INTS6: variants seen among roughly 807,000 people sequenced by gnomAD.
INTS6 encodes DEAD box protein.
INTS6 carries 16 observed loss-of-function variants against 104.9 expected under a neutral mutation model. That is an observed-to-expected ratio of 0.15 (90% CI 0.10 to 0.23). The LOEUF is 0.23. INTS6 is among the 10% of genes least tolerant of loss of function. The pLI is 1.00. For synonymous variants in INTS6, 324 were observed against 358.7 expected (o/e 0.90, Z 1.09); for missense variants, 584 against 1,062.8 (o/e 0.55, Z 6.26).
Position 51,378,354 on chromosome 13 carries a change from G to A in INTS6, c.1487C>T (p.Ala496Val). The A allele has an allele frequency of 6.2e-7, 1 of 1,613,224 alleles. No individual in the cohort carries two copies. The highest frequency in any genetic ancestry group is 8.5e-7 in the Non-Finnish European group (1 of 1,179,324). ...GAGTTGTTGAAAATCTTTCCTATAT[G>A]CCATTGATAAACCATGTGATCGGCT... ...VRSRSHGLSMAYRKDFQQLLQ... is the reference protein window; with the variant it reads ...VRSRSHGLSMVYRKDFQQLLQ... Residue 496 changes from alanine to valine, a missense_variant, in exon 12 of 18, where the codon GCA becomes GTA. Transcript: ENST00000311234.
chr13:51,400,883 TC>T (rs1956425129), intron 4 of INTS6, among the ~76,000 whole-genome samples: 1 of 152,142 alleles, frequency 6.6e-6, no homozygotes, highest in Non-Finnish European at 1.5e-5. Flanking sequence ...ATGTTCTGTT[TC>T]ACTTATTAAA....
At chr13:51,449,576 T>C (rs1298016458) in intron 3 of INTS6, 5 of 985,130 alleles carry the variant, frequency 5.1e-6, no homozygotes, top group African/African-American at 1.7e-5. Context: ...AGGAAACTAA[T>C]AGTTCTGCCA....
chr13:51,445,939 A>T (rs935596354), intron 3 of INTS6: 1 of 152,248 alleles, frequency 6.6e-6, no homozygotes, highest in Non-Finnish European at 1.5e-5. Context: ...TTCAAAATAG[A>T]TTAAAGATCT....
intron 12 of INTS6, among the ~76,000 whole-genome samples, chr13:51,377,218 T>A (rs1409923067): frequency 6.6e-6 from 1 of 152,170 alleles, no homozygotes; most frequent in Non-Finnish European, 1.5e-5. Flanking sequence ...TTTGCCCATG[T>A]TTGTCCTTTT....
downstream of INTS6, among the ~76,000 whole-genome samples, chr13:51,353,861 A>G (rs1356190515): frequency 2.6e-5 from 4 of 152,156 alleles, no homozygotes; most frequent in African/African-American, 9.7e-5. Flanking sequence ...AGACCATCTA[A>G]TTTCCATTTT....
At chr13:51,374,546 G>T in intron 14 of INTS6, 107 bp from the exon 15 acceptor site, 1 of 1,506,450 alleles carries the variant, frequency 6.6e-7, no homozygotes. Flanking sequence ...ATATTTATTA[G>T]ATACTCTACC....
intron 4 of INTS6, among the ~76,000 whole-genome samples, chr13:51,399,068 T>A (rs1416534995): frequency 6.6e-6 from 1 of 152,234 alleles, no homozygotes; most frequent in African/African-American, 2.4e-5. Flanking sequence ...TTTGCCTGAT[T>A]TTGAACTTTA....
rs373292354 is a variant in INTS6, at chr13:51,451,524, G to A, written c.190-350C>T. On this transcript the variant is annotated intron_variant, in intron 2 of 17. Coordinates refer to ENST00000311234, the MANE Select transcript of INTS6 (RefSeq NM_012141.3). ...GCAGCTGTCCCACCGGCCCTCTTAG[G>A]ACGAATCTGACAAGACCAATCCTGG... The A allele has an allele frequency of 9.4e-5, 15 of 160,336 alleles. No individual in the cohort carries two copies. The South Asian group carries it at 1.2e-3, about 13-fold the overall frequency. 9.9% of individuals were successfully genotyped at this position (160,336 alleles called of 1,614,324 possible).
At chr13:51,398,747 C>G (rs1443711305) in intron 4 of INTS6, among the ~76,000 whole-genome samples, 1 of 145,818 alleles carries the variant, frequency 6.9e-6, no homozygotes, top group African/African-American at 2.5e-5. Flanking sequence ...AAAAAAAAAG[C>G]AATTGACTAC....
rs1187874825 is a variant in INTS6 at position 51,393,205 on chromosome 13, A to G, written c.613+2095T>C. The stretch of plus-strand genomic sequence containing the variant: ...CAATTCTCCTGCCTCAGCCTCCCGA[A>G]CAGCTGGGATTACAGGCGTGTGCCA... On this transcript the variant is annotated intron_variant, in intron 5 of 17. Transcript: ENST00000311234. Among the ~76,000 whole-genome samples the G allele has an allele frequency of 2.0e-5, 3 of 151,830 alleles. No individual in the cohort carries two copies. The East Asian group carries it at 5.8e-4, about 29-fold the overall frequency.
At chr13:51,424,147 A>C (rs1055540809) in intron 4 of INTS6, among the ~76,000 whole-genome samples, 1 of 151,954 alleles carries the variant, frequency 6.6e-6, no homozygotes, top group African/African-American at 2.4e-5. Flanking sequence ...ACATATGTAG[A>C]CTCTCTTATT....
chr13:51,380,942 T>C (rs1012356240), intron 10 of INTS6, among the ~76,000 whole-genome samples: 2 of 152,090 alleles, frequency 1.3e-5, no homozygotes, highest in African/African-American at 4.8e-5. Context: ...ATAAATATAG[T>C]CGGCCCTACA....
chr13:51,409,650 A>T (rs576109276), intron 4 of INTS6, among the ~76,000 whole-genome samples: 4 of 151,360 alleles, frequency 2.6e-5, no homozygotes, highest in Non-Finnish European at 5.9e-5. Context: ...TATTTTTTTT[A>T]ATTTTAAGGA....
intron 6 of INTS6, among the ~76,000 whole-genome samples, chr13:51,388,568 T>C (rs1310802691): frequency 6.6e-6 from 1 of 152,024 alleles, no homozygotes; most frequent in Non-Finnish European, 1.5e-5. Context: ...TCATTTTGTA[T>C]TTTTAGTAGA....
intron 5 of INTS6, among the ~76,000 whole-genome samples, chr13:51,393,320 C>T (rs1956278348): frequency 1.3e-5 from 2 of 152,132 alleles, no homozygotes; most frequent in African/African-American, 2.4e-5. Flanking sequence ...TCAGGTAATC[C>T]GCCCACCTTG....
At chr13:51,341,362 C>T in the INTS6 span, 4 of 1,567,982 alleles carry the variant, frequency 2.6e-6, no homozygotes, top group East Asian at 7.0e-5. Flanking sequence ...GAGGCCTGCC[C>T]ACGTGCACAC....
chr13:51,433,837 T>C (rs1472103006), intron 3 of INTS6, among the ~76,000 whole-genome samples: 1 of 152,204 alleles, frequency 6.6e-6, no homozygotes, highest in African/African-American at 2.4e-5. Context: ...CTGAAATTAC[T>C]ATAATAACAA....
chr13:51,380,933 TAA>T (rs1378348550), intron 10 of INTS6, among the ~76,000 whole-genome samples: 1 of 152,090 alleles, frequency 6.6e-6, no homozygotes, highest in Non-Finnish European at 1.5e-5. Flanking sequence ...CCCTTAAAAA[TAA>T]ATATAGTCGG....
chr13:51,428,336 T>G (rs1364225360), intron 4 of INTS6, among the ~76,000 whole-genome samples: 1 of 150,650 alleles, frequency 6.6e-6, no homozygotes, highest in Non-Finnish European at 1.5e-5. Flanking sequence ...CTTTTTTTTT[T>G]TTTTTTGAGA....
Sources: allele counts gnomAD v4.1 joint callset (sites outside exome capture counted in the v4.1 genomes callset), GRCh38; gene constraint gnomAD v4.1.1; transcripts MANE v1.5; gene names NCBI Gene and HGNC (gene_info 2026-07-23, HGNC 2026-07-21).